Variants in MICU1 observed in about 807,000 individuals in gnomAD.
The protein encoded by MICU1 is calcium uptake protein 1, mitochondrial.
MICU1 carries 45 observed loss-of-function variants against 56.8 expected under a neutral mutation model. The observed-to-expected ratio is 0.79, with a 90% CI of 0.62 to 1.02. MICU1 has a LOEUF of 1.02. Among genes scored for constraint, MICU1 ranks in the 50% least tolerant of loss-of-function variants. MICU1 has a pLI of 0.00. For missense variants in MICU1, 504 were observed against 587.1 expected (o/e 0.86, Z 1.46); for synonymous variants, 186 against 195.1 (o/e 0.95, Z 0.39).
chr10:72,562,399 C>G lies in MICU1; in HGVS notation c.330+496G>C, dbSNP rs545804401. Among the ~76,000 whole-genome samples the G allele has an allele frequency of 4.6e-5, 7 of 152,124 alleles. No individual in the cohort carries two copies. The East Asian group carries it at 1.2e-3, about 25-fold the overall frequency. On this transcript the variant is annotated intron_variant, in intron 3 of 11. Transcript: ENST00000361114. Reference sequence around the variant, plus strand: ...GAACTTCTGACCTCAGGTGATCCACCCACCTCCGCCTCCCAGAGTGCTGGG... The same window carrying G: ...GAACTTCTGACCTCAGGTGATCCACGCACCTCCGCCTCCCAGAGTGCTGGG...
intron 8 of MICU1, among the ~76,000 whole-genome samples, chr10:72,428,644 T>A (rs1483876820): frequency 2.0e-5 from 3 of 152,130 alleles, no homozygotes; most frequent in Admixed American, 2.0e-4. Context: ...TAAGAAAAAA[T>A]TTCAGGTTGG....
At chr10:72,489,307 C>T (rs1316919390) in intron 6 of MICU1, among the ~76,000 whole-genome samples, 1 of 140,846 alleles carries the variant, frequency 7.1e-6, no homozygotes, top group Non-Finnish European at 1.5e-5. Context: ...CACACACACA[C>T]ACACACACAC....
At chr10:72,371,134 C>G (rs1443434512) in intron 11 of MICU1, among the ~76,000 whole-genome samples, 1 of 148,920 alleles carries the variant, frequency 6.7e-6, no homozygotes, top group Non-Finnish European at 1.5e-5. Flanking sequence ...GCCTATAATC[C>G]CAGCACTTTG....
chr10:72,502,059 T>G (rs1867085764), intron 6 of MICU1, among the ~76,000 whole-genome samples: 1 of 152,210 alleles, frequency 6.6e-6, no homozygotes, highest in African/African-American at 2.4e-5. Context: ...AGGATTCAAG[T>G]TTCAATCCAT....
At chr10:72,597,338 C>T (rs3000986) in intron 1 of MICU1, among the ~76,000 whole-genome samples, 89,269 of 151,940 alleles carry the variant, frequency 0.59, 27,514 homozygotes, top group Non-Finnish European at 0.68. Flanking sequence ...GTCATCCCTA[C>T]GTAGCTATGG....
intron 10 of MICU1, among the ~76,000 whole-genome samples, chr10:72,389,310 C>A (rs915275328): frequency 3.3e-5 from 5 of 152,208 alleles, no homozygotes; most frequent in Non-Finnish European, 7.3e-5. Flanking sequence ...AATTATTAGA[C>A]TCAAAGAATT....
At chr10:72,429,406 C>A (rs188196848) in intron 8 of MICU1, among the ~76,000 whole-genome samples, 1 of 122,118 alleles carries the variant, frequency 8.2e-6, no homozygotes, top group Non-Finnish European at 1.6e-5. Context: ...GGTGACAGAG[C>A]GAGATCCTGC....
chr10:72,599,378 A>G (rs75657782), intron 1 of MICU1, among the ~76,000 whole-genome samples: 4,331 of 152,296 alleles, frequency 0.028, 210 homozygotes, highest in African/African-American at 0.096. Flanking sequence ...TAAACAATTG[A>G]TAAGTTTTAC....
At chr10:72,521,946 A>C (rs1458078731) in intron 5 of MICU1, among the ~76,000 whole-genome samples, 1 of 152,036 alleles carries the variant, frequency 6.6e-6, no homozygotes, top group East Asian at 1.9e-4. Context: ...TCAAGAGTGT[A>C]ATGTTCTTTA....
intron 10 of MICU1, among the ~76,000 whole-genome samples, chr10:72,383,068 C>T (rs1589156051): frequency 6.6e-6 from 1 of 152,004 alleles, no homozygotes; most frequent in Non-Finnish European, 1.5e-5. Context: ...AGAGGAAGAC[C>T]TCATCTCTAC....
At chr10:72,546,406 T>C (rs7077100) in intron 4 of MICU1, among the ~76,000 whole-genome samples, 90,153 of 152,010 alleles carry the variant, frequency 0.59, 27,976 homozygotes, top group Non-Finnish European at 0.68. Context: ...ATTATTCAAA[T>C]GATGTTCAAA....
At chr10:72,425,368 C>T (rs1864313637) in intron 8 of MICU1, among the ~76,000 whole-genome samples, 1 of 152,224 alleles carries the variant, frequency 6.6e-6, no homozygotes, top group Non-Finnish European at 1.5e-5. Context: ...GCAGCAGCTG[C>T]AGCTTGCTCA....
chr10:72,597,764 T>C (rs563738431), intron 1 of MICU1, among the ~76,000 whole-genome samples: 1 of 152,294 alleles, frequency 6.6e-6, no homozygotes, highest in South Asian at 2.1e-4. Context: ...TTTGCGTACA[T>C]TGTGCACAAA....
chr10:72,578,607 C>CTGT (rs897927619), intron 1 of MICU1, among the ~76,000 whole-genome samples: 4 of 151,440 alleles, frequency 2.6e-5, no homozygotes, highest in Non-Finnish European at 4.4e-5. Context: ...ATTTTTTTTG[C>CTGT]TGTTGTTGTT....
intron 1 of MICU1, among the ~76,000 whole-genome samples, chr10:72,573,387 A>G (rs76507436): frequency 1.3e-5 from 2 of 148,800 alleles, no homozygotes; most frequent in Non-Finnish European, 1.5e-5. Flanking sequence ...TCATATAAAA[A>G]AGGAGAAAAT....
At chr10:72,421,367 C>T (rs1267158249) in intron 9 of MICU1, among the ~76,000 whole-genome samples, 2 of 151,660 alleles carry the variant, frequency 1.3e-5, no homozygotes, top group Admixed American at 1.3e-4. Context: ...CTCCCTTCCC[C>T]GGGTTCAAGC....
At chr10:72,387,299 G>T (rs1386274430) in intron 10 of MICU1, among the ~76,000 whole-genome samples, 2 of 152,120 alleles carry the variant, frequency 1.3e-5, no homozygotes, top group Non-Finnish European at 2.9e-5. Context: ...ATGGGAAGGT[G>T]CTACAGTCCT....
At chr10:72,559,125 C>T (rs1840229591) in intron 3 of MICU1, among the ~76,000 whole-genome samples, 1 of 152,060 alleles carries the variant, frequency 6.6e-6, no homozygotes, top group Non-Finnish European at 1.5e-5. Flanking sequence ...GAGTGCAAGG[C>T]TGCAGTGAGC....
At chr10:72,441,782 A>AT (rs907655931) in intron 8 of MICU1, among the ~76,000 whole-genome samples, 2 of 151,320 alleles carry the variant, frequency 1.3e-5, no homozygotes, top group African/African-American at 2.4e-5. Flanking sequence ...ATGCCCAGCT[A>AT]TTTTTTTGTA....
Sources: allele counts gnomAD v4.1 joint callset (sites outside exome capture counted in the v4.1 genomes callset), GRCh38; gene constraint gnomAD v4.1.1; transcripts MANE v1.5; gene names NCBI Gene and HGNC (gene_info 2026-07-23, HGNC 2026-07-21).